Variants in LRMDA observed in about 807,000 individuals in gnomAD.
LRMDA encodes leucine rich melanocyte differentiation associated, also known as leucine-rich melanocyte differentiation-associated protein.
LRMDA carries 18 observed loss-of-function variants against 29.8 expected under a neutral mutation model. The ratio of observed to expected loss-of-function variants is 0.60; its 90% CI spans 0.42 to 0.90. LRMDA has a LOEUF of 0.90. LRMDA is among the 40% of genes least tolerant of loss of function. The pLI, the probability that LRMDA is intolerant of heterozygous loss-of-function variation, is 0.00. For synonymous variants in LRMDA, 125 were observed against 109.4 expected, an observed-to-expected ratio of 1.14 and a Z score of -0.89; for missense variants, 273 against 273.9, an observed-to-expected ratio of 1.00 and a Z score of 0.02.
At chr10:76,311,118 T>C (rs1448008030) in intron 5 of LRMDA, among the ~76,000 whole-genome samples, 3 of 152,166 alleles carry the variant, frequency 2.0e-5, no homozygotes, top group South Asian at 2.1e-4. Context: ...AGAGATTCAT[T>C]TGGGAAGCAG....
At chr10:75,581,417 C>T (rs1012954849) in intron 2 of LRMDA, among the ~76,000 whole-genome samples, 1 of 152,180 alleles carries the variant, frequency 6.6e-6, no homozygotes, top group African/African-American at 2.4e-5. Flanking sequence ...CAGGAAACAA[C>T]AGATGCTGAA....
rs181059350 is a variant in LRMDA at position 76,277,000 on chromosome 10, C to T, written c.517-47401C>T. Among the ~76,000 whole-genome samples, 457 of 152,202 alleles carry T rather than the reference C, an allele frequency of 3.0e-3. 2 individuals are homozygous for T. Among genetic ancestry groups the T allele is most frequent in the African/African-American group, 0.01 (429 of 41,532 alleles). ...TTGCTAATCTGCTTTGGATATGTCC[C>T]GCACATCCAAATGCACAGCTCAGAG... On this transcript the variant is annotated intron_variant, in intron 5 of 6. Transcript: ENST00000611255.
Position 76,408,043 on chromosome 10 carries a change from C to T in LRMDA, c.601+83558C>T, listed in dbSNP as rs372438142. Among the ~76,000 whole-genome samples the T allele has an allele frequency of 1.1e-4, 17 of 152,306 alleles. 1 individual carries two copies. In the East Asian group the frequency reaches 3.1e-3, roughly 28 times the overall value. On this transcript the variant is annotated intron_variant, in intron 6 of 6. Coordinates refer to ENST00000611255, the MANE Select transcript of LRMDA (RefSeq NM_001305581.2). ...AAGAACGCAAGTTTCCCTACTCCTC[C>T]CAGTGTTATCTCAACTAACACTTAC...
chr10:76,433,077 A>G (rs183912091), intron 6 of LRMDA, among the ~76,000 whole-genome samples: 1 of 152,224 alleles, frequency 6.6e-6, no homozygotes, highest in East Asian at 1.9e-4. Context: ...AACCCACTAT[A>G]ATGTTGCATG....
chr10:76,095,245 C>T (rs1002964981), intron 5 of LRMDA, among the ~76,000 whole-genome samples: 16 of 152,188 alleles, frequency 1.1e-4, no homozygotes, highest in South Asian at 8.3e-4. Context: ...ATAGTTTGGA[C>T]TCTGGCTTCT....
chr10:76,217,000 A>G (rs1851740485), intron 5 of LRMDA, among the ~76,000 whole-genome samples: 1 of 152,214 alleles, frequency 6.6e-6, no homozygotes, highest in African/African-American at 2.4e-5. Flanking sequence ...TGAAAAACAA[A>G]TATATTTGGT....
intron 2 of LRMDA, among the ~76,000 whole-genome samples, chr10:75,885,428 A>C (rs1397775445): frequency 6.6e-6 from 1 of 152,196 alleles, no homozygotes; most frequent in Non-Finnish European, 1.5e-5. Flanking sequence ...GCTTTTCGTA[A>C]GTAAAATGTT....
intron 6 of LRMDA, among the ~76,000 whole-genome samples, chr10:76,525,704 A>G (rs1843167982): frequency 6.6e-6 from 1 of 152,154 alleles, no homozygotes; most frequent in Non-Finnish European, 1.5e-5. Context: ...GTTGTTTTAC[A>G]TATAATACAA....
intron 2 of LRMDA, among the ~76,000 whole-genome samples, chr10:75,905,930 G>GT (rs5786198): frequency 3.4e-5 from 5 of 148,918 alleles, no homozygotes; most frequent in Non-Finnish European, 7.4e-5. Context: ...CTAGCCAAAG[G>GT]TTTTTTTTTT....
chr10:75,689,535 A>G (rs1204016610), intron 2 of LRMDA, among the ~76,000 whole-genome samples: 1 of 152,068 alleles, frequency 6.6e-6, no homozygotes, highest in African/African-American at 2.4e-5. Context: ...TGCCCTCCCT[A>G]TCATCGGATG....
chr10:76,246,642 T>A (rs1255194517), intron 5 of LRMDA, among the ~76,000 whole-genome samples: 1 of 151,516 alleles, frequency 6.6e-6, no homozygotes, highest in Non-Finnish European at 1.5e-5. Flanking sequence ...CAGATAGGAG[T>A]GAGTACAGCA....
intron 2 of LRMDA, among the ~76,000 whole-genome samples, chr10:75,792,321 G>A (rs1843582224): frequency 6.6e-6 from 1 of 152,062 alleles, no homozygotes. Flanking sequence ...CTGGAGTGCA[G>A]TGGTGCAATC....
intron 5 of LRMDA, among the ~76,000 whole-genome samples, chr10:76,111,817 G>T (rs531028607): frequency 6.6e-6 from 1 of 151,940 alleles, no homozygotes; most frequent in Admixed American, 6.6e-5. Flanking sequence ...GGTGGGGGGG[G>T]GCGCATGGTG....
At chr10:75,618,378 CTCTCTATATATA>C (rs759846753) in intron 2 of LRMDA, among the ~76,000 whole-genome samples, 1,474 of 62,570 alleles carry the variant, frequency 0.024, 50 homozygotes, top group East Asian at 0.21. Flanking sequence ...CTCTCTCTCT[CTCTCTATATATA>C]TATATATATA....
rs201778617 is a variant in LRMDA at position 75,669,959 on chromosome 10, T to C, written c.131+231465T>C. Among the ~76,000 whole-genome samples, 13 of 152,346 alleles carry C rather than the reference T, an allele frequency of 8.5e-5. No individual in the cohort carries two copies. The East Asian group carries it at 2.5e-3, about 29-fold the overall frequency. On this transcript the variant is annotated intron_variant, in intron 2 of 6. Coordinates refer to ENST00000611255, the MANE Select transcript of LRMDA (RefSeq NM_001305581.2). Reference sequence around the variant, plus strand: ...GAGAAGTACACTTAAGGCCCTTTTTTATAGCAACATAAAATAGAGCCAAAA... The same window carrying C: ...GAGAAGTACACTTAAGGCCCTTTTTCATAGCAACATAAAATAGAGCCAAAA...
chr10:75,902,124 G>A (rs1564601733), intron 2 of LRMDA, among the ~76,000 whole-genome samples: 1 of 152,032 alleles, frequency 6.6e-6, no homozygotes, highest in African/African-American at 2.4e-5. Context: ...ACATCCACAT[G>A]GGCACCCAGC....
At chr10:76,093,288 G>A (rs1849260377) in intron 5 of LRMDA, among the ~76,000 whole-genome samples, 2 of 151,384 alleles carry the variant, frequency 1.3e-5, no homozygotes, top group African/African-American at 2.4e-5. Context: ...TTCTCCCAAA[G>A]TGTTGGGATT....
intron 2 of LRMDA, among the ~76,000 whole-genome samples, chr10:75,978,683 C>T (rs949005383): frequency 6.6e-6 from 1 of 152,152 alleles, no homozygotes; most frequent in Non-Finnish European, 1.5e-5. Flanking sequence ...TTCCCAGGTA[C>T]ATAAAGCAGT....
At chr10:76,415,967 C>T (rs1466089305) in intron 6 of LRMDA, among the ~76,000 whole-genome samples, 1 of 152,222 alleles carries the variant, frequency 6.6e-6, no homozygotes, top group Non-Finnish European at 1.5e-5. Context: ...TCAGCTCACA[C>T]ATATTTTGTG....
Sources: allele counts gnomAD v4.1 joint callset (sites outside exome capture counted in the v4.1 genomes callset), GRCh38; gene constraint gnomAD v4.1.1; transcripts MANE v1.5; gene names NCBI Gene and HGNC (gene_info 2026-07-23, HGNC 2026-07-21).